The following GPT variants were observed in gnomAD, a reference collection of about 807,000 sequenced individuals.
GPT encodes the protein alanine aminotransferase 1.
In GPT, 60 loss-of-function variants were observed where a neutral mutation model predicts 51.4. The ratio of observed to expected loss-of-function variants is 1.17; its 90% CI spans 0.95 to 1.45. The LOEUF is 1.45. Ranked by LOEUF, GPT falls within the 40% of genes most tolerant of loss-of-function variation. The pLI is 0.00. For missense variants in GPT, 853 were observed against 704.0 expected, an observed-to-expected ratio of 1.21 and a Z score of -2.40; for synonymous variants, 397 against 303.1, an observed-to-expected ratio of 1.31 and a Z score of -3.22.
chr8:144,506,695 G>GCCCCC lies in GPT; in HGVS notation c.1288-34_1288-33insCCCCC. 1.3e-6 allele frequency: 2 copies of GCCCCC among 1,498,106 alleles called. No individual in the cohort carries two copies. Among genetic ancestry groups the GCCCCC allele is most frequent in the Non-Finnish European group, 1.8e-6 (2 of 1,082,222 alleles). 92.8% of individuals were successfully genotyped at this position (1,498,106 alleles called of 1,614,324 possible). On this transcript the variant is annotated intron_variant, in intron 9 of 10. Transcript: ENST00000394955. The surrounding 1 kb of genome is among the most constrained non-coding windows in gnomAD (Gnocchi z 7.0). ...GGGGCCTGCGGGGTGGGCAGGGGGG[G>GCCCCC]CCGGGCATCCCTCTCTGACGGCTCT...
In GPT at chr8:144,504,353, A is replaced by C; in HGVS notation, c.49A>C (p.Arg17=). ...DRSQAVRHGL[R]AKVLTLDGMN... ...GAGCCAGGCGGTGAGGCATGGACTG[A>C]GGGCGAAGGTGCTGACGCTGGACGG... The change falls in exon 1 of 11, where the codon AGG becomes CGG. Residue 17 remains arginine (R), a synonymous_variant. Coordinates refer to ENST00000394955, the MANE Select transcript of GPT (RefSeq NM_005309.3). 6.2e-7 allele frequency: 1 copy of C among 1,611,168 alleles called. No individual in the cohort carries two copies. The highest frequency in any genetic ancestry group is 8.5e-7 in the Non-Finnish European group (1 of 1,179,918).
rs1826850219 is a variant in GPT, at chr8:144,507,068, G to A, written c.*68G>A. 3 of 554,072 alleles carry A rather than the reference G, an allele frequency of 5.4e-6. No individual in the cohort carries two copies. The highest frequency in any genetic ancestry group is 4.6e-5 in the African/African-American group (2 of 43,014). 34.3% of individuals were successfully genotyped at this position (554,072 alleles called of 1,614,324 possible). Reference sequence around the variant, plus strand: ...CTCAGGAGCCCTGGGAGGCTCTGGAGCCCACTGTACTTGCTCTTGATGCCT... The same window carrying A: ...CTCAGGAGCCCTGGGAGGCTCTGGAACCCACTGTACTTGCTCTTGATGCCT... On this transcript the variant is annotated 3_prime_UTR_variant, in exon 11 of 11. Transcript: ENST00000394955.
In GPT at chr8:144,504,698, G is replaced by A; in HGVS notation, c.252+5G>A. The A allele has an allele frequency of 6.2e-7, 1 of 1,612,996 alleles. No homozygotes were observed. Among genetic ancestry groups the A allele is most frequent in the Non-Finnish European group, 8.5e-7 (1 of 1,179,684 alleles). ...CCCATCACCTTCCTGCGCCAGGTGA[G>A]GCTCCTGCACTGCCCGGAGCACCCC... On this transcript the variant is annotated splice_donor_5th_base_variant and intron_variant, in intron 2 of 10. Transcript: ENST00000394955.
In GPT at chr8:144,507,113, G is replaced by GGGGGGGGGGGGGGGGGGGC; in HGVS notation, c.*114_*115insGGGGGGGGGGGGGGGGGCG. 1 of 512,008 alleles carries GGGGGGGGGGGGGGGGGGGC rather than the reference G, an allele frequency of 2.0e-6. No individual in the cohort carries two copies. Among genetic ancestry groups the GGGGGGGGGGGGGGGGGGGC allele is most frequent in the African/African-American group, 2.0e-5 (1 of 50,694 alleles). The allele number at this position is 512,008 out of a possible 1,614,324, so 31.7% of individuals were successfully genotyped here. A position where few individuals can be genotyped will look rare whatever the true frequency, so the allele number is the denominator to read the frequency against. ...ATGCCTGGCGGGGTGGGGTGGGGGG[G>GGGGGGGGGGGGGGGGGGGC]GTGCTGGGCCCCTGCCTCTCTGCAG... On this transcript the variant is annotated 3_prime_UTR_variant, in exon 11 of 11. Transcript: ENST00000394955.
chr8:144,504,488 T>A (rs753030623), intron 1 of GPT, 22 bp downstream of exon 1: 1 of 1,607,698 alleles, frequency 6.2e-7, no homozygotes, highest in Admixed American at 1.7e-5. Context: ...GGCCCCTCGC[T>A]GCCCTCCAGG....
chr8:144,505,559 C>A (rs1440966365), intron 5 of GPT, 70 bp downstream of exon 5: 1 of 1,032,632 alleles, frequency 9.7e-7, no homozygotes, highest in Non-Finnish European at 1.3e-6. Context: ...CCGCCCCACT[C>A]CCCCCGCGCC....
rs1205967274 is a variant in GPT, at chr8:144,505,280, A to G, written c.530A>G (p.His177Arg). The G allele has an allele frequency of 6.9e-6, 11 of 1,586,678 alleles. No homozygotes were observed. The highest frequency in any genetic ancestry group is 9.4e-6 in the Non-Finnish European group (11 of 1,167,154). Residue 177 changes from histidine (H) to arginine (R), a missense_variant, in exon 5 of 11, where the codon CAC becomes CGC. Coordinates refer to ENST00000394955, the MANE Select transcript of GPT (RefSeq NM_005309.3). Reference protein sequence around the residue: ...VLKLLVAGEGHTRTGVLIPIP... With the variant: ...VLKLLVAGEGRTRTGVLIPIP... ...AAGCTGCTGGTGGCCGGCGAGGGCC[A>G]CACACGCACGGGTGTGCTCATCCCC...
Position 144,504,175 on chromosome 8 carries a change from G to C in GPT, c.-130G>C. On this transcript the variant is annotated 5_prime_UTR_variant, in exon 1 of 11. Coordinates refer to ENST00000394955, the MANE Select transcript of GPT (RefSeq NM_005309.3). ...GCTGCGGTGAAGAGGGTGCTCTCTT[G>C]CCTGGAGTTCCCTCTGCTACGGCTG... 2 of 954,916 alleles carry C rather than the reference G, an allele frequency of 2.1e-6. No individual in the cohort carries two copies. The highest frequency in any genetic ancestry group is 3.2e-6 in the Non-Finnish European group (2 of 620,920). The allele number at this position is 954,916 out of a possible 1,614,324, so 59.2% of individuals were successfully genotyped here.
rs535562008 is a variant in GPT, at chr8:144,507,106, T to TG, written c.*114dup. 4,285 of 165,862 alleles carry TG rather than the reference T, an allele frequency of 0.026. 101 individuals are homozygous for TG. The highest frequency in any genetic ancestry group is 0.15 in the African/African-American group (2,595 of 17,288). The allele number at this position is 165,862 out of a possible 1,614,324, so 10.3% of individuals were successfully genotyped here. A position where few individuals can be genotyped will look rare whatever the true frequency, so the allele number is the denominator to read the frequency against. On this transcript the variant is annotated 3_prime_UTR_variant, in exon 11 of 11. Transcript: ENST00000394955. Reference sequence around the variant, plus strand: ...GCTCTTGATGCCTGGCGGGGTGGGGTGGGGGGGGTGCTGGGCCCCTGCCTC... The same window carrying TG: ...GCTCTTGATGCCTGGCGGGGTGGGGTGGGGGGGGGTGCTGGGCCCCTGCCTC...
rs1418881972 is a variant in GPT at position 144,506,600 on chromosome 8, G to T, written c.1231G>T (p.Ala411Ser). The T allele has an allele frequency of 1.3e-6, 2 of 1,566,688 alleles. No individual in the cohort carries two copies. The highest frequency in any genetic ancestry group is 1.3e-5 in the African/African-American group (1 of 74,094). The change falls in exon 9 of 11, where the codon GCC becomes TCC. Residue 411 changes from alanine to serine, a missense_variant. Coordinates refer to ENST00000394955, the MANE Select transcript of GPT (RefSeq NM_005309.3). The surrounding 1 kb of genome is among the most constrained non-coding windows in gnomAD (Gnocchi z 7.0). ...CATCAGCTGCAACCCAGTGCAGGGCGCCATGTACTCCTTCCCGCGCGTGCA... is the reference window on the plus strand; with the variant it reads ...CATCAGCTGCAACCCAGTGCAGGGCTCCATGTACTCCTTCCCGCGCGTGCA... ...PGISCNPVQG[A>S]MYSFPRVQLP...
In GPT at chr8:144,504,286, GC is replaced by G. The variant is rs1345134614; in HGVS notation, c.-17del. ...CTGCCACCTCCTGAGCTGCCTTCCC[GC>G]CTGGTCTGGGTAGAGTCATGGCCTC... On this transcript the variant is annotated 5_prime_UTR_variant, in exon 1 of 11. Coordinates refer to ENST00000394955, the MANE Select transcript of GPT (RefSeq NM_005309.3). 2 of 1,605,080 alleles carry G rather than the reference GC, an allele frequency of 1.2e-6. No homozygotes were observed. The highest frequency in any genetic ancestry group is 1.7e-6 in the Non-Finnish European group (2 of 1,179,534).
rs145950433 is a variant in GPT, at chr8:144,504,327, G to A, written c.23G>A (p.Arg8Gln). 2.7e-5 allele frequency: 43 copies of A among 1,609,906 alleles called. No individual in the cohort carries two copies. The highest frequency in any genetic ancestry group is 8.9e-5 in the East Asian group (4 of 44,902). ...GTCATGGCCTCGAGCACAGGTGACC[G>A]GAGCCAGGCGGTGAGGCATGGACTG... is the stretch of plus-strand genomic sequence containing the variant. MASSTGD[R>Q]SQAVRHGLRA... The change falls in exon 1 of 11, where the codon CGG (arginine) becomes CAG (glutamine). Residue 8 changes from arginine (R) to glutamine (Q), a missense_variant. Transcript: ENST00000394955.
Position 144,504,815 on chromosome 8 carries a change from C to T in GPT, c.297C>T (p.Asn99=), listed in dbSNP as rs370893871. 1.2e-6 allele frequency: 2 copies of T among 1,613,612 alleles called. No homozygotes were observed. The highest frequency in any genetic ancestry group is 1.7e-6 in the Non-Finnish European group (2 of 1,180,030). Residue 99 remains asparagine, a synonymous_variant, in exon 3 of 11, where the codon AAC becomes AAT. Coordinates refer to ENST00000394955, the MANE Select transcript of GPT (RefSeq NM_005309.3). The part of the protein sequence containing the change: ...CVNPDLLSSP[N]FPDDAKKRAE... ...ACCCTGATCTTCTGAGCAGCCCCAA[C>T]TTCCCTGACGATGCCAAGAAAAGGG...
chr8:144,507,096 CGGGGT>C lies in GPT; in HGVS notation c.*106_*110del, dbSNP rs1826851767. 5 of 118,828 alleles carry C rather than the reference CGGGGT, an allele frequency of 4.2e-5. 1 individual carries two copies. The highest frequency in any genetic ancestry group is 6.7e-5 in the Non-Finnish European group (4 of 59,862). 7.4% of individuals were successfully genotyped at this position (118,828 alleles called of 1,614,324 possible). A position where few individuals can be genotyped will look rare whatever the true frequency, so the allele number is the denominator to read the frequency against. On this transcript the variant is annotated 3_prime_UTR_variant, in exon 11 of 11. Coordinates refer to ENST00000394955, the MANE Select transcript of GPT (RefSeq NM_005309.3). Reference sequence around the variant, plus strand: ...CACTGTACTTGCTCTTGATGCCTGGCGGGGTGGGGTGGGGGGGGTGCTGGGCCCCT... The same window carrying C: ...CACTGTACTTGCTCTTGATGCCTGGCGGGGTGGGGGGGGTGCTGGGCCCCT...
chr8:144,506,966 G>C lies in GPT; in HGVS notation c.1457G>C (p.Arg486Thr). Residue 486 changes from arginine (R) to threonine (T), a missense_variant, in exon 11 of 11, where the codon AGG (arginine) becomes ACG (threonine). Transcript: ENST00000394955. This position sits in a 1 kb window ranked among gnomAD's most constrained non-coding sequence, Gnocchi z 7.0. ...KLRLLLEKLS[R>T]FHAKFTLEYS ...CGGCTGCTGCTGGAGAAGCTGAGCA[G>C]GTTCCATGCCAAGTTCACCCTCGAG... 6.2e-7 allele frequency: 1 copy of C among 1,612,830 alleles called. No homozygotes were observed. Among genetic ancestry groups the C allele is most frequent in the Non-Finnish European group, 8.5e-7 (1 of 1,179,954 alleles).
rs1826702809 is a variant in GPT, at chr8:144,504,785, T to C, written c.267T>C (p.Cys89=). The change falls in exon 3 of 11, where the codon TGT becomes TGC. Residue 89 remains cysteine, a synonymous_variant. Transcript: ENST00000394955. The part of the protein sequence containing the change: ...ITFLRQVLAL[C]VNPDLLSSPN... ...CGTCTTCCCAGGTCTTGGCCCTCTG[T>C]GTTAACCCTGATCTTCTGAGCAGCC... 1 of 1,609,308 alleles carries C rather than the reference T, an allele frequency of 6.2e-7. No homozygotes were observed. Among genetic ancestry groups the C allele is most frequent in the African/African-American group, 1.3e-5 (1 of 74,770 alleles).
In GPT at chr8:144,506,341, G is replaced by C. The variant is rs1355372557; in HGVS notation, c.1066G>C (p.Ala356Pro). The change falls in exon 8 of 11, where the codon GCC becomes CCC. Residue 356 changes from alanine (A) to proline (P), a missense_variant. Coordinates refer to ENST00000394955, the MANE Select transcript of GPT (RefSeq NM_005309.3). The surrounding 1 kb of genome is among the most constrained non-coding windows in gnomAD (Gnocchi z 7.0). ...GCTGTGCCCGCCGGTGCCAGGACAG[G>C]CCCTGCTGGACCTGGTGGTCAGCCC... ...VRLCPPVPGQ[A>P]LLDLVVSPPA... 6.3e-7 allele frequency: 1 copy of C among 1,578,984 alleles called. No individual in the cohort carries two copies. The highest frequency in any genetic ancestry group is 8.6e-7 in the Non-Finnish European group (1 of 1,166,504).
Position 144,507,114 on chromosome 8 carries a change from GT to G in GPT, c.*115del. On this transcript the variant is annotated 3_prime_UTR_variant, in exon 11 of 11. Coordinates refer to ENST00000394955, the MANE Select transcript of GPT (RefSeq NM_005309.3). The stretch of plus-strand genomic sequence containing the variant: ...TGCCTGGCGGGGTGGGGTGGGGGGG[GT>G]GCTGGGCCCCTGCCTCTCTGCAGGT... 2 of 498,332 alleles carry G rather than the reference GT, an allele frequency of 4.0e-6. No individual in the cohort carries two copies. Among genetic ancestry groups the G allele is most frequent in the Admixed American group, 2.3e-5 (1 of 43,706 alleles). 30.9% of individuals were successfully genotyped at this position (498,332 alleles called of 1,614,324 possible).
intron 4 of GPT, 47 bp downstream of exon 4, chr8:144,505,178 G>A (rs1168624588): frequency 6.2e-7 from 1 of 1,612,756 alleles, no homozygotes; most frequent in Admixed American, 1.7e-5. Context: ...TGCAGAGGGG[G>A]CGCCCAGGGT....
Sources: allele counts gnomAD v4.1 joint callset, GRCh38; gene constraint gnomAD v4.1.1; non-coding constraint Gnocchi (gnomAD v3.1); transcripts MANE v1.5; gene names NCBI Gene and HGNC (gene_info 2026-07-23, HGNC 2026-07-21).